Variants in CCDC73 observed in about 807,000 individuals in gnomAD.
The protein encoded by CCDC73 is coiled-coil domain containing 73.
A neutral mutation model predicts 116.5 loss-of-function variants in CCDC73; 95 were observed. The observed-to-expected ratio is 0.82, with a 90% CI of 0.69 to 0.97. The LOEUF (loss-of-function observed/expected upper bound fraction) is 0.97, where lower values mean the gene tolerates loss of function less well. Ranked by LOEUF, CCDC73 falls within the 50% of genes least tolerant of loss-of-function variation. CCDC73 has a pLI of 0.00. For synonymous variants in CCDC73, 398 were observed against 401.3 expected (o/e 0.99, Z 0.10); for missense variants, 1,066 against 1,206.8 (o/e 0.88, Z 1.73).
intron 9 of CCDC73, among the ~76,000 whole-genome samples, chr11:32,657,976 GC>G (rs1299188841): frequency 1.3e-5 from 1 of 75,306 alleles, no homozygotes; most frequent in African/African-American, 5.2e-5. Flanking sequence ...ACCCCCCACC[GC>G]CCCCATCTCT....
At chr11:32,645,391 A>C (rs984793626) in intron 12 of CCDC73, among the ~76,000 whole-genome samples, 1 of 149,114 alleles carries the variant, frequency 6.7e-6, no homozygotes, top group Admixed American at 6.8e-5. Context: ...TCCCAGGTTC[A>C]AGCGATTCTC....
At chr11:32,683,745 C>T (rs1856169353) in intron 6 of CCDC73, among the ~76,000 whole-genome samples, 171 bp from the exon 7 acceptor site, 1 of 152,128 alleles carries the variant, frequency 6.6e-6, no homozygotes, top group African/African-American at 2.4e-5. Flanking sequence ...CTTTCCTAGA[C>T]TCCTGGAATA....
At chr11:32,702,141 C>T (rs1402767692) in intron 4 of CCDC73, among the ~76,000 whole-genome samples, 1 of 152,116 alleles carries the variant, frequency 6.6e-6, no homozygotes, top group Non-Finnish European at 1.5e-5. Context: ...AACACATCTA[C>T]ACACACTTGT....
intron 12 of CCDC73, among the ~76,000 whole-genome samples, 184 bp downstream of exon 12, chr11:32,652,939 T>G (rs1366456112): frequency 6.6e-6 from 1 of 152,216 alleles, no homozygotes; most frequent in African/African-American, 2.4e-5. Flanking sequence ...GACATAAATG[T>G]GAATAATATA....
chr11:32,672,967 A>G (rs917236370), intron 9 of CCDC73, among the ~76,000 whole-genome samples: 1 of 152,194 alleles, frequency 6.6e-6, no homozygotes, highest in African/African-American at 2.4e-5. Context: ...GAAGATATAC[A>G]TATCACAGTC....
At chr11:32,686,954 G>C (rs1009988777) in intron 6 of CCDC73, among the ~76,000 whole-genome samples, 1 of 152,122 alleles carries the variant, frequency 6.6e-6, no homozygotes, top group African/African-American at 2.4e-5. Context: ...ATAGAAGGCA[G>C]CTTCAAAAAT....
At chr11:32,749,134 C>T (rs1172972959) in intron 2 of CCDC73, among the ~76,000 whole-genome samples, 1 of 152,088 alleles carries the variant, frequency 6.6e-6, no homozygotes, top group African/African-American at 2.4e-5. Context: ...AAACTTTCTA[C>T]TCCTCTCTCT....
intron 12 of CCDC73, among the ~76,000 whole-genome samples, chr11:32,651,618 T>C (rs2133259798): frequency 6.6e-6 from 1 of 152,304 alleles, no homozygotes; most frequent in Non-Finnish European, 1.5e-5. Context: ...CCCTAGCACA[T>C]GCTCCATTAC....
chr11:32,818,286 G>C, the CCDC73 span, among the ~76,000 whole-genome samples: 9 of 152,218 alleles, frequency 5.9e-5, no homozygotes, highest in African/African-American at 2.2e-4. Context: ...AGATTCTAGA[G>C]CCAGACTATG....
rs114871372 is a variant in CCDC73 at position 32,711,509 on chromosome 11, A to G, written c.207+6567T>C. Among the ~76,000 whole-genome samples the G allele has an allele frequency of 3.5e-3, 537 of 152,298 alleles. 6 individuals are homozygous for G. The highest frequency in any genetic ancestry group is 0.012 in the African/African-American group (518 of 41,566). On this transcript the variant is annotated intron_variant, in intron 3 of 17. Transcript: ENST00000335185. ...TTCACAGCAACCTGGATGAAATTGG[A>G]GACTTTATGCCAAATATCATATGTT...
intron 9 of CCDC73, among the ~76,000 whole-genome samples, chr11:32,668,608 T>A (rs1856008918): frequency 6.6e-6 from 1 of 152,146 alleles, no homozygotes; most frequent in Non-Finnish European, 1.5e-5. Flanking sequence ...GACACAAAGG[T>A]TCATGGTCAA....
intron 14 of CCDC73, among the ~76,000 whole-genome samples, chr11:32,632,851 G>A (rs1311203985): frequency 6.6e-6 from 1 of 152,084 alleles, no homozygotes; most frequent in East Asian, 1.9e-4. Context: ...GCAGTGCTAA[G>A]AGGAAATGTT....
intron 1 of CCDC73, among the ~76,000 whole-genome samples, chr11:32,760,464 T>C (rs909510829): frequency 6.6e-6 from 1 of 152,208 alleles, no homozygotes; most frequent in Non-Finnish European, 1.5e-5. Context: ...GGTTGAAGCT[T>C]TTTCTGGTAG....
intron 3 of CCDC73, among the ~76,000 whole-genome samples, chr11:32,710,085 C>T (rs111318617): frequency 0.024 from 3,669 of 152,200 alleles, 140 homozygotes; most frequent in African/African-American, 0.082. Context: ...TTATTTGGAT[C>T]GTCTCTCTTT....
chr11:32,663,510 A>G (rs2133273667), intron 9 of CCDC73, among the ~76,000 whole-genome samples: 1 of 152,152 alleles, frequency 6.6e-6, no homozygotes, highest in East Asian at 1.9e-4. Context: ...GATGCTTGTG[A>G]TTTTTTGCAC....
chr11:32,780,673 T>C (rs1850575742), intron 1 of CCDC73, among the ~76,000 whole-genome samples: 1 of 152,242 alleles, frequency 6.6e-6, no homozygotes, highest in African/African-American at 2.4e-5. Context: ...ATGTAGCCAC[T>C]TAAATAATAA....
At chr11:32,693,845 C>A (rs545133599) in intron 6 of CCDC73, among the ~76,000 whole-genome samples, 1 of 152,286 alleles carries the variant, frequency 6.6e-6, no homozygotes, top group South Asian at 2.1e-4. Flanking sequence ...GCAGAAAAGG[C>A]CTGTGACAAA....
rs566933052 is a variant in CCDC73 at position 32,774,089 on chromosome 11, T to C, written c.-15-13831A>G. Among the ~76,000 whole-genome samples, 5 of 152,284 alleles carry C rather than the reference T, an allele frequency of 3.3e-5. No individual in the cohort carries two copies. In the East Asian group the frequency reaches 9.7e-4, roughly 29 times the overall value. ...TACTTAATTTTCATTTTCAGCCCCATGCGTCATCCCTTTCCCTTGCTTTAT... is the reference window on the plus strand; with the variant it reads ...TACTTAATTTTCATTTTCAGCCCCACGCGTCATCCCTTTCCCTTGCTTTAT... On this transcript the variant is annotated intron_variant, in intron 1 of 17. Coordinates refer to ENST00000335185, the MANE Select transcript of CCDC73 (RefSeq NM_001008391.4).
chr11:32,683,166 CATTATA>C, intron 7 of CCDC73: 1 of 252,462 alleles, frequency 4.0e-6, no homozygotes, highest in Non-Finnish European at 7.8e-6. Flanking sequence ...GGAATATTTG[CATTATA>C]CCTACGGGTT....
Sources: gnomAD v4.1 joint callset for allele counts (sites outside exome capture counted in the v4.1 genomes callset) on GRCh38, gnomAD v4.1.1 for gene constraint, MANE v1.5 for transcripts, NCBI Gene and HGNC (gene_info 2026-07-23, HGNC 2026-07-21) for gene names.